The following RGS19 variants were observed in gnomAD, a reference collection of about 807,000 sequenced individuals.
RGS19 encodes G alpha interacting protein.
A neutral mutation model predicts 22.0 loss-of-function variants in RGS19; 9 were observed. The observed-to-expected ratio is 0.41, with a 90% CI of 0.25 to 0.71. The LOEUF (loss-of-function observed/expected upper bound fraction) is 0.71. RGS19 is among the 30% of genes least tolerant of loss of function. The probability of loss-of-function intolerance (pLI) is 0.32; values close to 1 mark genes in which losing one functional copy is unlikely to be tolerated. For missense variants in RGS19, 256 were observed against 307.1 expected, an observed-to-expected ratio of 0.83 and a Z score of 1.24; for synonymous variants, 130 against 127.3, an observed-to-expected ratio of 1.02 and a Z score of -0.14.
At position 64,074,191 on chromosome 20, in the gene RGS19, C is replaced by T. The variant is rs966119554; in HGVS notation, c.415G>A (p.Ala139Thr). 5.0e-6 allele frequency: 8 copies of T among 1,614,110 alleles called. No individual in the cohort carries two copies. The highest frequency in any genetic ancestry group is 1.1e-5 in the South Asian group (1 of 91,086). ...EANQHVVDEK[A>T]RLIYEDYVSI... is the part of the protein sequence containing the mutation. ...ACGTAGTCCTCGTAGATGAGCCTCG[C>T]CTTCTCGTCTACCACATGCTGGTTG... Residue 139 changes from alanine (A) to threonine (T), a missense_variant, in exon 5 of 6, where the codon GCG becomes ACG. Physicochemically the swap from Ala to Thr is moderately conservative, Grantham distance 58. Coordinates refer to ENST00000395042, the MANE Select transcript of RGS19 (RefSeq NM_005873.3).
chr20:64,076,873 T>C lies in RGS19; in HGVS notation c.14A>G (p.His5Arg), dbSNP rs768575975. The C allele has an allele frequency of 3.2e-6, 5 of 1,553,896 alleles. No homozygotes were observed. In the African/African-American group the frequency reaches 5.6e-5, roughly 17 times the overall value. Residue 5 changes from histidine to arginine, a missense_variant, in exon 2 of 6, where the codon CAT becomes CGT. Coordinates refer to ENST00000395042, the MANE Select transcript of RGS19 (RefSeq NM_005873.3). ...GTGGCATACCTGCTTCTCAGCCTCA[T>C]GCGGGGTGGGCATGGGTGGGCGGAG... MPTP[H>R]EAEKQITGPE...
chr20:64,074,425 TG>T, intron 4 of RGS19, 41 bp downstream of exon 4: 1 of 1,576,376 alleles, frequency 6.3e-7, no homozygotes, highest in Non-Finnish European at 8.6e-7. Flanking sequence ...TCTCCCGGTC[TG>T]GGGCCCCCCC....
At chr20:64,074,441 C>G (rs372740549) in intron 4 of RGS19, 26 bp downstream of exon 4, 2 of 1,578,074 alleles carry the variant, frequency 1.3e-6, no homozygotes, top group Non-Finnish European at 8.6e-7. Context: ...CCCCCCAGCA[C>G]GCACACACCA....
At position 64,074,060 on chromosome 20, in the gene RGS19, CTG is replaced by C. The variant is rs756735058; in HGVS notation, c.463-18_463-17del. ...CCAGGCTCACCTGCAGGACAAGACA[CTG>C]AGGTCAGGGGGTGCGGGAGCTGCCT... On this transcript the variant is annotated splice_polypyrimidine_tract_variant and intron_variant, in intron 5 of 5. Coordinates refer to ENST00000395042, the MANE Select transcript of RGS19 (RefSeq NM_005873.3). 75 of 1,606,898 alleles carry C rather than the reference CTG, an allele frequency of 4.7e-5. No individual in the cohort carries two copies. The highest frequency in any genetic ancestry group is 6.0e-5 in the Non-Finnish European group (70 of 1,174,908).
chr20:64,073,827 GC>G lies in RGS19; in HGVS notation c.*25del. The G allele has an allele frequency of 1.9e-6, 3 of 1,574,236 alleles. No individual in the cohort carries two copies. Among genetic ancestry groups the G allele is most frequent in the Non-Finnish European group, 8.7e-7 (1 of 1,155,474 alleles). On this transcript the variant is annotated 3_prime_UTR_variant, in exon 6 of 6. Coordinates refer to ENST00000395042, the MANE Select transcript of RGS19 (RefSeq NM_005873.3). ...AACCCAGAGTCGGCCGTAGGAGGCG[GC>G]GGGGTCTGTGCTGCTGGGGGCGGCC...
At chr20:64,076,765 G>C (rs1029355669) in intron 2 of RGS19, 92 bp downstream of exon 2, 2 of 1,531,116 alleles carry the variant, frequency 1.3e-6, no homozygotes, top group African/African-American at 2.8e-5. Context: ...GGCCTCCCGG[G>C]TGTTCAGGGA....
rs185717730 is a variant in RGS19, at chr20:64,076,124, G to A, written c.152+401C>T. Among the ~76,000 whole-genome samples, 1,367 of 152,154 alleles carry A rather than the reference G, an allele frequency of 9.0e-3. 14 individuals are homozygous for A. Among genetic ancestry groups the A allele is most frequent in the Middle Eastern group, 0.017 (5 of 294 alleles). ...TCGAACTCCCGACCTCAGGTGATCCGCCCACCTTGCCCTCCCAAAGTGCTG... is the reference window on the plus strand; with the variant it reads ...TCGAACTCCCGACCTCAGGTGATCCACCCACCTTGCCCTCCCAAAGTGCTG... On this transcript the variant is annotated intron_variant, in intron 3 of 5. Coordinates refer to ENST00000395042, the MANE Select transcript of RGS19 (RefSeq NM_005873.3).
Position 64,076,495 on chromosome 20 carries a change from C to A in RGS19, c.152+30G>T, listed in dbSNP as rs756437684. The stretch of plus-strand genomic sequence containing the variant: ...CTTGGCCCCATGCCCTCGACCCCCT[C>A]GCCAGCTGGGCACCCCAGGCCCTAC... On this transcript the variant is annotated intron_variant, in intron 3 of 5. Coordinates refer to ENST00000395042, the MANE Select transcript of RGS19 (RefSeq NM_005873.3). 8 of 1,611,646 alleles carry A rather than the reference C, an allele frequency of 5.0e-6. 1 individual carries two copies. The highest frequency in any genetic ancestry group is 4.4e-5 in the South Asian group (4 of 91,048).
At chr20:64,076,322 G>A (rs2059905106) in intron 3 of RGS19, among the ~76,000 whole-genome samples, 1 of 152,368 alleles carries the variant, frequency 6.6e-6, no homozygotes, top group East Asian at 1.9e-4. Context: ...AGGTACGAGA[G>A]CCATACATGA....
In RGS19 at chr20:64,074,150, G is replaced by C. The variant is rs200974006; in HGVS notation, c.456C>G (p.Pro152=). 1.2e-6 allele frequency: 2 copies of C among 1,612,742 alleles called. No homozygotes were observed. The highest frequency in any genetic ancestry group is 1.7e-6 in the Non-Finnish European group (2 of 1,178,968). The change falls in exon 5 of 6, where the codon CCC becomes CCG. Residue 152 remains proline (P), a synonymous_variant. Transcript: ENST00000395042. ...IYEDYVSILS[P]KEVSLDSRVR... is the part of the protein sequence containing the mutation. ...GTTCTGGTGTCTGGCGCACCTCCTT[G>C]GGGGACAGGATGGATACGTAGTCCT...
Position 64,073,797 on chromosome 20 carries a change from A to G in RGS19, c.*56T>C, listed in dbSNP as rs2059876075. The G allele has an allele frequency of 2.7e-6, 4 of 1,478,666 alleles. No homozygotes were observed. The African/African-American group carries it at 5.6e-5, about 21-fold the overall frequency. The allele number at this position is 1,478,666 out of a possible 1,614,324, so 91.6% of individuals were successfully genotyped here. On this transcript the variant is annotated 3_prime_UTR_variant, in exon 6 of 6. Coordinates refer to ENST00000395042, the MANE Select transcript of RGS19 (RefSeq NM_005873.3). The stretch of plus-strand genomic sequence containing the variant: ...ACAGCCCTGCCGACAACAACACCTG[A>G]AGGGAACCCAGAGTCGGCCGTAGGA...
At chr20:64,076,759 T>C in intron 2 of RGS19, 98 bp downstream of exon 2, 1 of 1,529,122 alleles carries the variant, frequency 6.5e-7, no homozygotes. Context: ...CCTTCTGGCC[T>C]CCCGGGTGTT....
At chr20:64,076,710 C>T (rs2059908558) in intron 2 of RGS19, 64 bp from the exon 3 acceptor site, 1 of 1,527,570 alleles carries the variant, frequency 6.5e-7, no homozygotes, top group Non-Finnish European at 8.9e-7. Context: ...CACCTCTCCC[C>T]CACCTTCCCA....
At chr20:64,078,707 C>G (rs1184119495) in intron 1 of RGS19, among the ~76,000 whole-genome samples, 1 of 152,166 alleles carries the variant, frequency 6.6e-6, no homozygotes, top group Non-Finnish European at 1.5e-5. Flanking sequence ...CTCAGGTCAA[C>G]TGGGGCAACC....
In RGS19 at chr20:64,073,833, T is replaced by C; in HGVS notation, c.*20A>G. ...GAGTCGGCCGTAGGAGGCGGCGGGG[T>C]CTGTGCTGCTGGGGGCGGCCTAGGC... On this transcript the variant is annotated 3_prime_UTR_variant, in exon 6 of 6. Coordinates refer to ENST00000395042, the MANE Select transcript of RGS19 (RefSeq NM_005873.3). The C allele has an allele frequency of 6.3e-7, 1 of 1,586,872 alleles. No individual in the cohort carries two copies. Among genetic ancestry groups the C allele is most frequent in the Non-Finnish European group, 8.6e-7 (1 of 1,163,232 alleles).
At chr20:64,078,537 TCCA>T (rs2059929047) in intron 1 of RGS19, among the ~76,000 whole-genome samples, 1 of 152,140 alleles carries the variant, frequency 6.6e-6, no homozygotes, top group Admixed American at 6.5e-5. Flanking sequence ...GGCTACCATC[TCCA>T]CCCCAGCTCT....
chr20:64,074,843 G>T lies in RGS19; in HGVS notation c.153-302C>A, dbSNP rs370003754. Among the ~76,000 whole-genome samples, 395 of 152,320 alleles carry T rather than the reference G, an allele frequency of 2.6e-3. 17 individuals are homozygous for T. The South Asian group carries it at 0.067, about 26-fold the overall frequency. ...ATTCCAGCAGTGTGACCCAGTGCCC[G>T]CGAGTCTCTGGCCTTCCAGGAGGGG... On this transcript the variant is annotated intron_variant, in intron 3 of 5. Transcript: ENST00000395042.
chr20:64,076,332 A>G (rs2059905164), intron 3 of RGS19, among the ~76,000 whole-genome samples, 193 bp downstream of exon 3: 1 of 152,248 alleles, frequency 6.6e-6, no homozygotes, highest in Admixed American at 6.5e-5. Context: ...GCCATACATG[A>G]GCTCCCTGGG....
Position 64,074,175 on chromosome 20 carries a change from T to C in RGS19, c.431A>G (p.Glu144Gly). Residue 144 changes from glutamate (E) to glycine (G), a missense_variant, in exon 5 of 6, where the codon GAG becomes GGG. Physicochemically the swap from Glu to Gly is moderately conservative, Grantham distance 98. Coordinates refer to ENST00000395042, the MANE Select transcript of RGS19 (RefSeq NM_005873.3). ...GGGGGACAGGATGGATACGTAGTCC[T>C]CGTAGATGAGCCTCGCCTTCTCGTC... is the stretch of plus-strand genomic sequence containing the variant. Reference protein sequence around the residue: ...VVDEKARLIYEDYVSILSPKE... With the variant: ...VVDEKARLIYGDYVSILSPKE... The C allele has an allele frequency of 1.9e-6, 3 of 1,614,022 alleles. No individual in the cohort carries two copies. The South Asian group carries it at 3.3e-5, about 18-fold the overall frequency.
Sources: gnomAD v4.1 joint callset for allele counts (sites outside exome capture counted in the v4.1 genomes callset) on GRCh38, gnomAD v4.1.1 for gene constraint, MANE v1.5 for transcripts, NCBI Gene and HGNC (gene_info 2026-07-23, HGNC 2026-07-21) for gene names.